FAM111A: variants seen among roughly 807,000 people sequenced by gnomAD.
FAM111A encodes FAM111 trypsin like peptidase A.
FAM111A carries 8 observed loss-of-function variants against 3.3 expected under a neutral mutation model. The ratio of observed to expected loss-of-function variants is 2.39; its 90% confidence interval spans 1.40 to 4.32. The LOEUF (loss-of-function observed/expected upper bound fraction) is 4.32, where lower values mean the gene tolerates loss of function less well. FAM111A is among the 30% of genes most tolerant of loss of function. The pLI is 0.00. For synonymous variants in FAM111A, 227 were observed against 243.1 expected (o/e 0.93, Z 0.62); for missense variants, 683 against 727.6 (o/e 0.94, Z 0.71).
chr11:59,147,791 A>G (rs1861123828), intron 4 of FAM111A, among the ~76,000 whole-genome samples: 1 of 152,240 alleles, frequency 6.6e-6, no homozygotes. Context: ...TGTTCATAAT[A>G]AAAAGTCCTG....
intron 5 of FAM111A, 54 bp from the exon 6 acceptor site, chr11:59,151,696 A>G (rs1377033720): frequency 7.4e-6 from 10 of 1,357,604 alleles, no homozygotes; most frequent in Admixed American, 4.7e-5. Context: ...GAAAAGAGAA[A>G]CAAAAGACTC....
rs760910244 is a variant in FAM111A at position 59,152,498 on chromosome 11, C to T, written c.830C>T (p.Ala277Val). 1.9e-6 allele frequency: 3 copies of T among 1,613,966 alleles called. No individual in the cohort carries two copies. In the African/African-American group the frequency reaches 4.0e-5, roughly 22 times the overall value. ...EVEKRMVPSAAASQNPESEKR... is the reference protein window; with the variant it reads ...EVEKRMVPSAVASQNPESEKR... ...GAGAAAAGAATGGTCCCCAGTGCAG[C>T]AGCTTCTCAGAATCCTGAGTCAGAG... Residue 277 changes from alanine to valine, a missense_variant, in exon 6 of 6, where the codon GCA (alanine) becomes GTA (valine). Physicochemically the swap from Ala to Val is moderately conservative, Grantham distance 64. Coordinates refer to ENST00000675163, the MANE Select transcript of FAM111A (RefSeq NM_001312909.2).
intron 4 of FAM111A, among the ~76,000 whole-genome samples, chr11:59,146,698 TA>T (rs1278441831): frequency 6.6e-6 from 1 of 151,998 alleles, no homozygotes; most frequent in African/African-American, 2.4e-5. Flanking sequence ...GTTACGAGAG[TA>T]AACATAGCCT....
At chr11:59,147,238 C>G (rs115467913) in intron 4 of FAM111A, among the ~76,000 whole-genome samples, 2 of 152,132 alleles carry the variant, frequency 1.3e-5, no homozygotes, top group Non-Finnish European at 2.9e-5. Context: ...AAGGGATTTA[C>G]GATCAAGAGG....
At position 59,153,503 on chromosome 11, in the gene FAM111A, G is replaced by A; in HGVS notation, c.1835G>A (p.Ter612=). 2 of 1,592,588 alleles carry A rather than the reference G, an allele frequency of 1.3e-6. No individual in the cohort carries two copies. Among genetic ancestry groups the A allele is most frequent in the Non-Finnish European group, 8.6e-7 (1 of 1,169,458 alleles). Residue 612 remains the stop codon, a stop_retained_variant, in exon 6 of 6, where the codon TGA becomes TAA. Transcript: ENST00000675163. ...DVEMMSDEDL[*] is the part of the protein sequence containing the mutation. ...GAAATGATGAGTGATGAGGACTTGT[G>A]AGAATTCAGTCTACTGGATTTAAGG...
intron 5 of FAM111A, among the ~76,000 whole-genome samples, chr11:59,151,536 G>C (rs1388374427): frequency 1.3e-5 from 2 of 152,208 alleles, no homozygotes; most frequent in Non-Finnish European, 1.5e-5. Context: ...GAATGCACTA[G>C]TGTAGTGGTA....
In FAM111A at chr11:59,152,267, A is replaced by G; in HGVS notation, c.599A>G (p.Lys200Arg). ...GGGAAGTGTAAAAGAAGGATTGTTA[A>G]ATGTGGGAAGCTTCACAAAAAGGGG... is the stretch of plus-strand genomic sequence containing the variant. ...GIGKCKRRIVKCGKLHKKGRK... is the reference protein window; with the variant it reads ...GIGKCKRRIVRCGKLHKKGRK... Residue 200 changes from lysine (K) to arginine (R), a missense_variant, in exon 6 of 6, where the codon AAA becomes AGA. This residue lies in a region of FAM111A where 557 missense variants were observed against 600.2 expected (regional missense o/e 0.93). Transcript: ENST00000675163. 1 of 1,614,204 alleles carries G rather than the reference A, an allele frequency of 6.2e-7. No individual in the cohort carries two copies. Among genetic ancestry groups the G allele is most frequent in the Non-Finnish European group, 8.5e-7 (1 of 1,180,046 alleles).
Position 59,152,759 on chromosome 11 carries a change from G to C in FAM111A, c.1091G>C (p.Ser364Thr). The C allele has an allele frequency of 6.2e-7, 1 of 1,614,206 alleles. No individual in the cohort carries two copies. Residue 364 changes from serine to threonine, a missense_variant, in exon 6 of 6, where the codon AGT becomes ACT. Transcript: ENST00000675163. ...TCAGTTGGGTACTTATTCTGGGACAGTGCAACTACGGGTTACGCCACCTGC... is the reference window on the plus strand; with the variant it reads ...TCAGTTGGGTACTTATTCTGGGACACTGCAACTACGGGTTACGCCACCTGC... ...SDSVGYLFWD[S>T]ATTGYATCFV...
chr11:59,146,797 C>G (rs999480613), intron 4 of FAM111A, among the ~76,000 whole-genome samples: 3 of 152,186 alleles, frequency 2.0e-5, no homozygotes, highest in Admixed American at 2.0e-4. Context: ...GGTGAACATT[C>G]TATAGAGACA....
At chr11:59,147,254 A>G (rs1220436196) in intron 4 of FAM111A, among the ~76,000 whole-genome samples, 1 of 152,202 alleles carries the variant, frequency 6.6e-6, no homozygotes, top group East Asian at 1.9e-4. Context: ...AGAGGTGACC[A>G]TTGACTGGAG....
rs539859589 is a variant in FAM111A at position 59,147,054 on chromosome 11, C to T, written c.-77+1198C>T. ...AGGATGGTGTAAGGGTAGCCAAACC[C>T]GGGTTTGGCAACTCACACCTCAAAG... On this transcript the variant is annotated intron_variant, in intron 4 of 5. Coordinates refer to ENST00000675163, the MANE Select transcript of FAM111A (RefSeq NM_001312909.2). Among the ~76,000 whole-genome samples, 162 of 151,378 alleles carry T rather than the reference C, an allele frequency of 1.1e-3. 1 individual carries two copies. Among genetic ancestry groups the T allele is most frequent in the African/African-American group, 3.9e-3 (159 of 41,274 alleles).
chr11:59,150,213 T>C (rs1272395985), intron 5 of FAM111A, among the ~76,000 whole-genome samples: 2 of 152,178 alleles, frequency 1.3e-5, no homozygotes, highest in Admixed American at 1.3e-4. Flanking sequence ...GACAAAGATG[T>C]TTCTGACAGC....
intron 5 of FAM111A, 63 bp downstream of exon 5, chr11:59,149,016 C>T: frequency 8.2e-7 from 1 of 1,225,854 alleles, no homozygotes; most frequent in Non-Finnish European, 1.2e-6. Flanking sequence ...GAGATTTGTT[C>T]CAGGACCTCT....
At chr11:59,148,053 T>C (rs1042468108) in intron 4 of FAM111A, among the ~76,000 whole-genome samples, 2 of 152,242 alleles carry the variant, frequency 1.3e-5, no homozygotes, top group Non-Finnish European at 2.9e-5. Flanking sequence ...TGTTTTGAAA[T>C]ATTGAGGTAC....
rs756109833 is a variant in FAM111A at position 59,153,277 on chromosome 11, T to TTC, written c.1611_1612dup (p.Phe538SerfsTer62). 1.2e-6 allele frequency: 2 copies of TTC among 1,614,150 alleles called. No individual in the cohort carries two copies. The highest frequency in any genetic ancestry group is 1.7e-6 in the Non-Finnish European group (2 of 1,180,020). ...TGTGATTACCTATGACACTGAATTTTTCTTTGGGGCTTCCGGCTCCCCTGT... is the reference window on the plus strand; with the variant it reads ...TGTGATTACCTATGACACTGAATTTTTCTCTTTGGGGCTTCCGGCTCCCCTGT... On this transcript the variant is annotated frameshift_variant, in exon 6 of 6. Transcript: ENST00000675163. LOFTEE classifies it low-confidence loss of function (END_TRUNC).
Position 59,152,517 on chromosome 11 carries a change from G to T in FAM111A, c.849G>T (p.Glu283Asp). Residue 283 changes from glutamate (E) to aspartate (D), a missense_variant, in exon 6 of 6, where the codon GAG becomes GAT. This residue lies in a region of FAM111A where 557 missense variants were observed against 600.2 expected (regional missense o/e 0.93). Transcript: ENST00000675163. Reference sequence around the variant, plus strand: ...GTGCAGCAGCTTCTCAGAATCCTGAGTCAGAGAAAAGAAACACCTGTGTGT... The same window carrying T: ...GTGCAGCAGCTTCTCAGAATCCTGATTCAGAGAAAAGAAACACCTGTGTGT... ...VPSAAASQNP[E>D]SEKRNTCVLR... 2 of 1,614,096 alleles carry T rather than the reference G, an allele frequency of 1.2e-6. No homozygotes were observed. The highest frequency in any genetic ancestry group is 1.7e-6 in the Non-Finnish European group (2 of 1,180,020).
chr11:59,147,114 A>C (rs1472514527), intron 4 of FAM111A, among the ~76,000 whole-genome samples: 1 of 152,292 alleles, frequency 6.6e-6, no homozygotes, highest in East Asian at 1.9e-4. Flanking sequence ...TGGGAGGAAA[A>C]GCAGGTTCAT....
intron 3 of FAM111A, chr11:59,144,626 G>T: frequency 6.6e-6 from 1 of 152,348 alleles, no homozygotes; most frequent in Non-Finnish European, 1.5e-5. Flanking sequence ...TTTCAGACTG[G>T]CAGTGCTGTC....
Position 59,148,856 on chromosome 11 carries a change from T to C in FAM111A, c.-17T>C, listed in dbSNP as rs1024678809. 1.4e-5 allele frequency: 23 copies of C among 1,595,578 alleles called. No homozygotes were observed. The highest frequency in any genetic ancestry group is 2.0e-5 in the Non-Finnish European group (23 of 1,163,432). On this transcript the variant is annotated 5_prime_UTR_variant, in exon 5 of 6. Transcript: ENST00000675163. ...ATTAGTGTTTCAGCTGAACCATCCGTTCATCTTCAAGCCATCATGAGCTGT... is the reference window on the plus strand; with the variant it reads ...ATTAGTGTTTCAGCTGAACCATCCGCTCATCTTCAAGCCATCATGAGCTGT...
Sources: allele counts gnomAD v4.1 joint callset (sites outside exome capture counted in the v4.1 genomes callset), GRCh38; gene constraint gnomAD v4.1.1; regional missense constraint gnomAD v4.1.1; transcripts MANE v1.5; gene names NCBI Gene and HGNC (gene_info 2026-07-23, HGNC 2026-07-21).